Variants in TSNARE1 observed in about 807,000 individuals in gnomAD.
TSNARE1 encodes t-SNARE domain containing 1.
In TSNARE1, 49 loss-of-function variants were observed where a neutral mutation model predicts 62.0. The ratio of observed to expected loss-of-function variants is 0.79; its 90% CI spans 0.63 to 1.00. The LOEUF (loss-of-function observed/expected upper bound fraction) is 1.00, where lower values mean the gene tolerates loss of function less well. TSNARE1 is among the 50% of genes least tolerant of loss of function. TSNARE1 has a pLI of 0.00. For synonymous variants in TSNARE1, 328 were observed against 294.4 expected (o/e 1.11, Z -1.17); for missense variants, 755 against 700.1 (o/e 1.08, Z -0.88).
At chr8:142,288,609 G>A (rs1049318749) in intron 10 of TSNARE1, among the ~76,000 whole-genome samples, 1 of 152,252 alleles carries the variant, frequency 6.6e-6, no homozygotes, top group Admixed American at 6.5e-5. Flanking sequence ...GCCGGCACTC[G>A]CGGAGCCACC....
At chr8:142,277,736 G>A (rs1586965492) in intron 11 of TSNARE1, 1 of 985,434 alleles carries the variant, frequency 1.0e-6, no homozygotes, top group Non-Finnish European at 1.2e-6. Flanking sequence ...GCGGCCTGGG[G>A]ACCTGGAGTG....
Position 142,318,650 on chromosome 8 carries a change from G to A in TSNARE1, c.894-16C>T, listed in dbSNP as rs776817522. 228 of 1,613,184 alleles carry A rather than the reference G, an allele frequency of 1.4e-4. No homozygotes were observed. The highest frequency in any genetic ancestry group is 3.0e-4 in the Admixed American group (18 of 59,990). The stretch of plus-strand genomic sequence containing the variant: ...TGCCGTGTGCCTGGGGGCCGAGAAG[G>A]AGCCAGGAGCGAAGGCAGGGGAGGA... On this transcript the variant is annotated splice_polypyrimidine_tract_variant and intron_variant, in intron 6 of 13. Coordinates refer to ENST00000524325, the MANE Select transcript of TSNARE1 (RefSeq NM_145003.5).
At position 142,343,410 on chromosome 8, in the gene TSNARE1, G is replaced by A. The variant is rs111894044; in HGVS notation, c.745+556C>T. Among the ~76,000 whole-genome samples the A allele has an allele frequency of 7.8e-3, 1,183 of 151,758 alleles. 21 individuals carry two copies. The highest frequency in any genetic ancestry group is 0.027 in the African/African-American group (1,125 of 41,372). On this transcript the variant is annotated intron_variant, in intron 4 of 13. Transcript: ENST00000524325. ...ATGAGCACGCGTGGCCATGGGGAGC[G>A]TCGGCACGGCTAGAAATGCCTGATT...
chr8:142,340,606 C>T (rs1343673042), intron 4 of TSNARE1, among the ~76,000 whole-genome samples: 2 of 149,900 alleles, frequency 1.3e-5, no homozygotes, highest in African/African-American at 4.9e-5. Context: ...ACTATTATGT[C>T]AATAAAGAAA....
At chr8:142,276,686 C>T (rs190606207) in intron 11 of TSNARE1, 2 of 985,374 alleles carry the variant, frequency 2.0e-6, no homozygotes, top group East Asian at 1.1e-4. Flanking sequence ...CAGCCTGTGC[C>T]CAATCCTGCT....
intron 12 of TSNARE1, chr8:142,270,163 G>T (rs916559778): frequency 2.0e-6 from 2 of 985,294 alleles, no homozygotes; most frequent in Middle Eastern, 5.2e-4. Context: ...TGCCTAGGCT[G>T]GGGGGCTGCA....
chr8:142,315,243 T>C, intron 7 of TSNARE1, 151 bp from the exon 8 acceptor site: 1 of 767,706 alleles, frequency 1.3e-6, no homozygotes, highest in Non-Finnish European at 2.1e-6. Flanking sequence ...GTCACCGTCG[T>C]CTCCACAGGC....
At chr8:142,296,428 T>C (rs1181956682) in intron 10 of TSNARE1, among the ~76,000 whole-genome samples, 71 of 12,154 alleles carry the variant, frequency 5.8e-3, no homozygotes, top group Non-Finnish European at 9.2e-3. Context: ...GTCACTGTCA[T>C]GGGGGAGGGG....
chr8:142,324,357 C>T (rs1254974766), intron 6 of TSNARE1, among the ~76,000 whole-genome samples: 3 of 152,148 alleles, frequency 2.0e-5, no homozygotes, highest in Non-Finnish European at 2.9e-5. Flanking sequence ...CACTCCTGTG[C>T]GAGGTCTGCA....
At chr8:142,238,159 G>T (rs1817526086) in intron 12 of TSNARE1, among the ~76,000 whole-genome samples, 1 of 152,032 alleles carries the variant, frequency 6.6e-6, no homozygotes, top group East Asian at 1.9e-4. Context: ...GGGAGAAGGA[G>T]TGCCGTCTGT....
rs536574448 is a variant in TSNARE1 at position 142,249,304 on chromosome 8, G to A, written c.1447-19725C>T. Among the ~76,000 whole-genome samples, 4 of 152,308 alleles carry A rather than the reference G, an allele frequency of 2.6e-5. No individual in the cohort carries two copies. The East Asian group carries it at 5.8e-4, about 22-fold the overall frequency. On this transcript the variant is annotated intron_variant, in intron 12 of 13. Transcript: ENST00000524325. ...TTCTCTCCCTGGAGGAGAACTGTGG[G>A]CAGAGGGTGGGCTGGGCAGCCGGCA... is the stretch of plus-strand genomic sequence containing the variant.
At chr8:142,320,897 C>T (rs1369298537) in intron 6 of TSNARE1, among the ~76,000 whole-genome samples, 3 of 152,226 alleles carry the variant, frequency 2.0e-5, no homozygotes, top group Non-Finnish European at 1.5e-5. Flanking sequence ...CCTCATGGAG[C>T]CATTAGTGCT....
chr8:142,328,319 T>C (rs1830540939), intron 6 of TSNARE1, among the ~76,000 whole-genome samples: 1 of 152,230 alleles, frequency 6.6e-6, no homozygotes, highest in Non-Finnish European at 1.5e-5. Context: ...TGCTCAAGCA[T>C]GTCCCAGCTC....
intron 1 of TSNARE1, among the ~76,000 whole-genome samples, chr8:142,360,408 G>A (rs1262755886): frequency 6.6e-6 from 1 of 152,190 alleles, no homozygotes; most frequent in Non-Finnish European, 1.5e-5. Flanking sequence ...CCGCTGAGCG[G>A]AAGCTGGCAG....
chr8:142,298,955 G>C (rs572820343), intron 10 of TSNARE1, among the ~76,000 whole-genome samples: 1 of 152,190 alleles, frequency 6.6e-6, no homozygotes, highest in Admixed American at 6.5e-5. Context: ...TCTGTGCTTC[G>C]GGTGGTTCTC....
At chr8:142,303,432 T>C (rs970159620) in intron 9 of TSNARE1, among the ~76,000 whole-genome samples, 1 of 152,204 alleles carries the variant, frequency 6.6e-6, no homozygotes, top group Non-Finnish European at 1.5e-5. Context: ...GAACCCTCTC[T>C]TGGCCAAGGT....
chr8:142,275,564 C>G, intron 11 of TSNARE1: 1 of 985,422 alleles, frequency 1.0e-6, no homozygotes, highest in Non-Finnish European at 1.2e-6. Flanking sequence ...AGGACACATG[C>G]CACCTGGGCA....
intron 6 of TSNARE1, among the ~76,000 whole-genome samples, chr8:142,327,718 C>T (rs924490376): frequency 1.3e-5 from 2 of 152,216 alleles, no homozygotes; most frequent in South Asian, 4.1e-4. Flanking sequence ...GCTGTTAGGA[C>T]TACGCCCATG....
chr8:142,316,998 C>T (rs543745778), intron 7 of TSNARE1, among the ~76,000 whole-genome samples: 10 of 152,072 alleles, frequency 6.6e-5, no homozygotes, highest in South Asian at 2.1e-4. Context: ...GCAGCACCTA[C>T]GGCAGGGACA....
Sources: gnomAD v4.1 joint callset for allele counts (sites outside exome capture counted in the v4.1 genomes callset) on GRCh38, gnomAD v4.1.1 for gene constraint, MANE v1.5 for transcripts, NCBI Gene and HGNC (gene_info 2026-07-23, HGNC 2026-07-21) for gene names.